ANKRD62: variants seen among roughly 807,000 people sequenced by gnomAD.
The protein encoded by ANKRD62 is ankyrin repeat domain-containing protein 62.
ANKRD62 carries 61 observed loss-of-function variants against 98.8 expected under a neutral mutation model. The observed-to-expected ratio is 0.62, with a 90% CI of 0.50 to 0.76. The LOEUF is 0.76. ANKRD62 is among the 30% of genes least tolerant of loss of function. The pLI is 0.00. For missense variants in ANKRD62, 933 were observed against 1,082.9 expected (o/e 0.86, Z 1.94); for synonymous variants, 341 against 367.9 (o/e 0.93, Z 0.84).
chr18:12,111,108 A>G lies in ANKRD62; in HGVS notation c.1064+3641A>G, dbSNP rs561855647. ...ACTAAAAATACAAAAAATTAGCCAG[A>G]CGTGGTGGCACACACCTGTAGTCTC... On this transcript the variant is annotated intron_variant, in intron 8 of 13. Transcript: ENST00000587848. Among the ~76,000 whole-genome samples the G allele has an allele frequency of 2.0e-5, 3 of 151,996 alleles. No individual in the cohort carries two copies. The South Asian group carries it at 6.2e-4, about 32-fold the overall frequency.
intron 6 of ANKRD62, chr18:12,102,359 C>G (rs1212909519): frequency 3.0e-5 from 19 of 627,296 alleles, no homozygotes; most frequent in Non-Finnish European, 5.4e-5. Context: ...GGGGGTAGGT[C>G]GGTTCTGAAG....
chr18:12,099,023 A>G (rs574121988), intron 5 of ANKRD62, among the ~76,000 whole-genome samples: 2 of 152,384 alleles, frequency 1.3e-5, no homozygotes, highest in South Asian at 4.1e-4. Context: ...ACAAACTGTG[A>G]AATAGTTGAG....
At chr18:12,119,815 T>G (rs1909747230) in intron 10 of ANKRD62, among the ~76,000 whole-genome samples, 1 of 152,116 alleles carries the variant, frequency 6.6e-6, no homozygotes, top group African/African-American at 2.4e-5. Context: ...TTTGAGACTC[T>G]TCTAATATTG....
the ANKRD62 span, among the ~76,000 whole-genome samples, chr18:12,150,959 G>A: frequency 2.6e-5 from 4 of 152,250 alleles, no homozygotes; most frequent in East Asian, 7.7e-4. Flanking sequence ...ATGTAAATGG[G>A]TGAAATACCC....
At chr18:12,096,991 G>A (rs1446986195) in intron 4 of ANKRD62, among the ~76,000 whole-genome samples, 2 of 152,042 alleles carry the variant, frequency 1.3e-5, no homozygotes, top group African/African-American at 2.4e-5. Flanking sequence ...AAAAGAGATC[G>A]GCTATAGATT....
chr18:12,136,509 A>T, the ANKRD62 span, among the ~76,000 whole-genome samples: 3 of 152,116 alleles, frequency 2.0e-5, no homozygotes, highest in Admixed American at 2.0e-4. Context: ...TAGGCTTAGG[A>T]TTGACTTGGC....
chr18:12,095,311 A>G (rs1238118875), intron 2 of ANKRD62, 26 bp downstream of exon 2: 5 of 1,535,374 alleles, frequency 3.3e-6, no homozygotes, highest in Non-Finnish European at 4.4e-6. Flanking sequence ...CTCTTTCAGC[A>G]TGGGATGGAT....
rs1219548677 is a variant in ANKRD62 at position 12,096,310 on chromosome 18, A to G, written c.614+8A>G. ...AATAGATAATTTTGGAAGGTACAGT[A>G]GTTCTTTTTTTGTTCATTTTTAAAC... On this transcript the variant is annotated splice_region_variant and intron_variant, in intron 4 of 13. Transcript: ENST00000587848. 6.7e-7 allele frequency: 1 copy of G among 1,483,770 alleles called. No individual in the cohort carries two copies. The allele number at this position is 1,483,770 out of a possible 1,614,324, so 91.9% of individuals were successfully genotyped here.
Position 12,093,849 on chromosome 18 carries a change from G to A in ANKRD62, c.-169G>A, listed in dbSNP as rs1354540642. 3.1e-6 allele frequency: 2 copies of A among 653,590 alleles called. No individual in the cohort carries two copies. The highest frequency in any genetic ancestry group is 2.5e-5 in the Admixed American group (1 of 39,684). 40.5% of individuals were successfully genotyped at this position (653,590 alleles called of 1,614,324 possible). On this transcript the variant is annotated 5_prime_UTR_variant, in exon 1 of 14. Transcript: ENST00000587848. Reference sequence around the variant, plus strand: ...ATGCGCGCTGGTGCCTAACGGCTCTGCTGGGCTAGGTGCTCCTCCGAGCAG... The same window carrying A: ...ATGCGCGCTGGTGCCTAACGGCTCTACTGGGCTAGGTGCTCCTCCGAGCAG...
chr18:12,095,711 A>G (rs762562911), intron 3 of ANKRD62, 101 bp downstream of exon 3: 20 of 1,088,576 alleles, frequency 1.8e-5, no homozygotes, highest in Non-Finnish European at 2.4e-5. Flanking sequence ...AGAAGGAAAT[A>G]TATTACGTGC....
chr18:12,094,108 G>A lies in ANKRD62; in HGVS notation c.91G>A (p.Gly31Arg), dbSNP rs1229945648. The change falls in exon 1 of 14, where the codon GGG (glycine) becomes AGG (arginine). Residue 31 changes from glycine to arginine, a missense_variant. By Grantham distance (125) the Gly-to-Arg change is moderately radical (BLOSUM62 -2). This residue lies in a region of ANKRD62 where 549 missense variants were observed against 587.9 expected (regional missense o/e 0.93). Transcript: ENST00000587848. ...TGACAAGGATGGCTTCTCAAATCCCGGGTACCGAGTCCGGCAGAAGGATCT... is the reference window on the plus strand; with the variant it reads ...TGACAAGGATGGCTTCTCAAATCCCAGGTACCGAGTCCGGCAGAAGGATCT... ...NRDKDGFSNP[G>R]YRVRQKDLGM... is the part of the protein sequence containing the mutation. 3.3e-6 allele frequency: 5 copies of A among 1,534,478 alleles called. No homozygotes were observed. Among genetic ancestry groups the A allele is most frequent in the South Asian group, 1.2e-5 (1 of 83,974 alleles).
intron 6 of ANKRD62, chr18:12,102,591 A>G (rs186138347): frequency 1.9e-5 from 8 of 422,202 alleles, no homozygotes; most frequent in Non-Finnish European, 2.8e-5. Flanking sequence ...CCTGTATTAT[A>G]TAAAACTGTT....
At chr18:12,124,761 C>T (rs149252410) in intron 12 of ANKRD62, among the ~76,000 whole-genome samples, 156 of 152,156 alleles carry the variant, frequency 1.0e-3, no homozygotes, top group African/African-American at 3.5e-3. Flanking sequence ...TATATCTACC[C>T]CATGGAAGTA....
chr18:12,168,727 G>C, the ANKRD62 span, among the ~76,000 whole-genome samples: 93,256 of 150,744 alleles, frequency 0.62, 29,049 homozygotes, highest in Middle Eastern at 0.76. Context: ...ACCTTGGGCA[G>C]TATGGCCATT....
chr18:12,107,696 C>G (rs535942774), intron 8 of ANKRD62, among the ~76,000 whole-genome samples: 1 of 152,270 alleles, frequency 6.6e-6, no homozygotes, highest in South Asian at 2.1e-4. Flanking sequence ...AAGACATCCT[C>G]TTATACACTG....
the ANKRD62 span, among the ~76,000 whole-genome samples, chr18:12,159,023 A>G: frequency 2.0e-5 from 3 of 152,146 alleles, no homozygotes; most frequent in Non-Finnish European, 2.9e-5. Flanking sequence ...CTGTGATGGA[A>G]AAAGTTTAAA....
At chr18:12,138,732 G>A in the ANKRD62 span, among the ~76,000 whole-genome samples, 1 of 152,216 alleles carries the variant, frequency 6.6e-6, no homozygotes, top group Admixed American at 6.5e-5. Context: ...GGGTGCTCCT[G>A]TATTGGGTGC....
the ANKRD62 span, among the ~76,000 whole-genome samples, chr18:12,171,096 G>T: frequency 6.6e-6 from 1 of 151,712 alleles, no homozygotes; most frequent in Admixed American, 6.6e-5. Context: ...TATGCAATTT[G>T]CCAGTCTGTG....
the ANKRD62 span, among the ~76,000 whole-genome samples, chr18:12,164,113 G>T: frequency 6.6e-6 from 1 of 152,028 alleles, no homozygotes; most frequent in African/African-American, 2.4e-5. Context: ...GTAGAATTCA[G>T]CAGTGAAGCC....
Sources: allele counts gnomAD v4.1 joint callset (sites outside exome capture counted in the v4.1 genomes callset), GRCh38; gene constraint gnomAD v4.1.1; regional missense constraint gnomAD v4.1.1; transcripts MANE v1.5; gene names NCBI Gene and HGNC (gene_info 2026-07-23, HGNC 2026-07-21).